The following WNK2 variants were observed in gnomAD, a reference collection of about 807,000 sequenced individuals.
WNK2 encodes WNK lysine deficient protein kinase 2.
In WNK2, 67 loss-of-function variants were observed where a neutral mutation model predicts 192.1. The ratio of observed to expected loss-of-function variants is 0.35; its 90% CI spans 0.29 to 0.43. The LOEUF (loss-of-function observed/expected upper bound fraction) is 0.43, where lower values mean the gene tolerates loss of function less well. Among genes scored for constraint, WNK2 ranks in the 20% least tolerant of loss-of-function variants. The pLI is 1.00. For synonymous variants in WNK2, 1,439 were observed against 1,393.9 expected, an observed-to-expected ratio of 1.03 and a Z score of -0.72; for missense variants, 2,698 against 3,089.7, an observed-to-expected ratio of 0.87 and a Z score of 3.01.
intron 2 of WNK2, among the ~76,000 whole-genome samples, chr9:93,210,094 C>T (rs1405175228): frequency 6.6e-6 from 1 of 152,144 alleles, no homozygotes; most frequent in Non-Finnish European, 1.5e-5. Context: ...ACCCTGCCCA[C>T]TTGGGTGAGC....
chr9:93,296,089 TTCCTCCCCCTCTA>T (rs1389789342), intron 23 of WNK2, among the ~76,000 whole-genome samples: 12 of 32,210 alleles, frequency 3.7e-4, no homozygotes, highest in African/African-American at 1.5e-3. Flanking sequence ...TCCCCTCACC[TTCCTCCCCCTCTA>T]TCCTCCCCTC....
At chr9:93,295,612 GC>G (rs1330931579) in intron 23 of WNK2, among the ~76,000 whole-genome samples, 1 of 151,926 alleles carries the variant, frequency 6.6e-6, no homozygotes, top group African/African-American at 2.4e-5. Flanking sequence ...TCCAGCCAGG[GC>G]CCCTGGGGTG....
chr9:93,237,423 T>G (rs1025820523), intron 5 of WNK2, among the ~76,000 whole-genome samples: 1 of 152,210 alleles, frequency 6.6e-6, no homozygotes, highest in African/African-American at 2.4e-5. Flanking sequence ...TTTTCTGCAG[T>G]GTGTAATCTG....
At chr9:93,203,099 C>T (rs1424648677) in intron 2 of WNK2, among the ~76,000 whole-genome samples, 1 of 149,708 alleles carries the variant, frequency 6.7e-6, no homozygotes, top group African/African-American at 2.5e-5. Flanking sequence ...GATGCTTCTG[C>T]TGGAGGGGTG....
chr9:93,267,280 C>A, intron 16 of WNK2: 1 of 157,476 alleles, frequency 6.4e-6, no homozygotes, highest in Non-Finnish European at 1.4e-5. Context: ...CCTTCCCGTC[C>A]CCCTGTTGCT....
intron 2 of WNK2, among the ~76,000 whole-genome samples, chr9:93,202,052 G>T (rs887779554): frequency 2.6e-5 from 4 of 152,162 alleles, no homozygotes; most frequent in Non-Finnish European, 4.4e-5. Flanking sequence ...GTCACAGGGG[G>T]GTCTCACACT....
chr9:93,203,283 G>A (rs1016173237), intron 2 of WNK2, among the ~76,000 whole-genome samples: 3 of 152,224 alleles, frequency 2.0e-5, no homozygotes, highest in African/African-American at 7.2e-5. Context: ...AGGTATGGCA[G>A]TCAGGACCAT....
chr9:93,262,196 G>C (rs1459611166), intron 13 of WNK2, 89 bp downstream of exon 13: 1 of 1,445,626 alleles, frequency 6.9e-7, no homozygotes, highest in African/African-American at 1.4e-5. Context: ...TAGTCCTAGA[G>C]GTCGGGGTTG....
At chr9:93,317,896 A>G (rs755542617) in intron 29 of WNK2, 2 of 1,584,514 alleles carry the variant, frequency 1.3e-6, no homozygotes, top group Admixed American at 1.7e-5. Flanking sequence ...AACCGCCCGG[A>G]GAAACCAGGT....
rs545533349 is a variant in WNK2 at position 93,262,319 on chromosome 9, G to A, written c.3360+212G>A. Among the ~76,000 whole-genome samples, 9 of 152,366 alleles carry A rather than the reference G, an allele frequency of 5.9e-5. No individual in the cohort carries two copies. In the South Asian group the frequency reaches 1.7e-3, roughly 28 times the overall value. On this transcript the variant is annotated intron_variant, in intron 13 of 29. Coordinates refer to ENST00000427277, the MANE Select transcript of WNK2 (RefSeq NM_006648.4). ...GATTTTTATAGATACAGGTTTAGAG[G>A]ATGCTTTCCCTGGGACAGGATGCAA...
intron 19 of WNK2, among the ~76,000 whole-genome samples, chr9:93,286,977 A>G (rs938758127): frequency 1.3e-5 from 2 of 152,250 alleles, no homozygotes; most frequent in African/African-American, 2.4e-5. Context: ...CAGTCAAAGC[A>G]GAGAGCAGAA....
In WNK2 at chr9:93,253,076, G is replaced by A. The variant is rs765709167; in HGVS notation, c.2028G>A (p.Thr676=). 57 of 1,464,920 alleles carry A rather than the reference G, an allele frequency of 3.9e-5. No individual in the cohort carries two copies. The highest frequency in any genetic ancestry group is 4.5e-5 in the Non-Finnish European group (50 of 1,108,096). 90.7% of individuals were successfully genotyped at this position (1,464,920 alleles called of 1,614,324 possible). ...LPSLGAYQQP[T]AAPGLPVGSV... ...CGCTGGGGGCCTACCAGCAGCCCACGGCTGCAGTGAGTCAGAGCATCACTC... is the reference window on the plus strand; with the variant it reads ...CGCTGGGGGCCTACCAGCAGCCCACAGCTGCAGTGAGTCAGAGCATCACTC... The change falls in exon 9 of 30, where the codon ACG becomes ACA. Residue 676 remains threonine (T), a synonymous_variant. Transcript: ENST00000427277.
chr9:93,191,294 C>T (rs548253562), intron 2 of WNK2, among the ~76,000 whole-genome samples: 48 of 152,156 alleles, frequency 3.2e-4, no homozygotes, highest in Admixed American at 1.2e-3. Context: ...GGGGAGGGAG[C>T]GGATGTTCCT....
intron 27 of WNK2, chr9:93,307,954 C>A (rs1852908065): frequency 7.8e-6 from 2 of 257,324 alleles, no homozygotes; most frequent in Admixed American, 1.0e-4. Context: ...ACTCTAGGCA[C>A]CATGACTCCG....
chr9:93,250,208 A>G (rs1003599036), intron 8 of WNK2, among the ~76,000 whole-genome samples: 27 of 152,248 alleles, frequency 1.8e-4, no homozygotes, highest in African/African-American at 6.3e-4. Flanking sequence ...CTACACATGC[A>G]CATACACATG....
intron 26 of WNK2, among the ~76,000 whole-genome samples, chr9:93,305,969 C>T (rs370555666): frequency 9.4e-4 from 143 of 152,282 alleles, no homozygotes; most frequent in African/African-American, 3.2e-3. Flanking sequence ...CCGTGCCTTC[C>T]GGCCCAGCCT....
chr9:93,205,786 G>A (rs116238160), intron 2 of WNK2, among the ~76,000 whole-genome samples: 3,226 of 152,256 alleles, frequency 0.021, 95 homozygotes, highest in African/African-American at 0.069. Context: ...GCCTTTCTTC[G>A]TGGCCCCTTG....
intron 2 of WNK2, among the ~76,000 whole-genome samples, chr9:93,186,642 C>T (rs1275950912): frequency 2.0e-5 from 3 of 152,200 alleles, no homozygotes; most frequent in African/African-American, 7.2e-5. Flanking sequence ...GGCCACACTG[C>T]GGGACTCTTG....
chr9:93,208,207 A>G (rs1833743119), intron 2 of WNK2, among the ~76,000 whole-genome samples: 1 of 152,172 alleles, frequency 6.6e-6, no homozygotes, highest in African/African-American at 2.4e-5. Flanking sequence ...GTCCCTTGTT[A>G]CACCACCGTG....
Sources: allele counts gnomAD v4.1 joint callset (sites outside exome capture counted in the v4.1 genomes callset), GRCh38; gene constraint gnomAD v4.1.1; transcripts MANE v1.5; gene names NCBI Gene and HGNC (gene_info 2026-07-23, HGNC 2026-07-21).